PADI4: variants seen among roughly 807,000 people sequenced by gnomAD.
PADI4 encodes peptidyl arginine deiminase 4, also known as protein-arginine deiminase type-4.
PADI4 carries 62 observed loss-of-function variants against 75.0 expected under a neutral mutation model. That is an observed-to-expected ratio of 0.83 (90% CI 0.67 to 1.02). The LOEUF is 1.02. Ranked by LOEUF, PADI4 falls within the 50% of genes least tolerant of loss-of-function variation. The pLI, the probability that PADI4 is intolerant of heterozygous loss-of-function variation, is 0.00. For missense variants in PADI4, 845 were observed against 850.5 expected, an observed-to-expected ratio of 0.99 and a Z score of 0.08; for synonymous variants, 361 against 348.1, an observed-to-expected ratio of 1.04 and a Z score of -0.41.
intron 10 of PADI4, among the ~76,000 whole-genome samples, chr1:17,352,775 T>A (rs1162568494): frequency 6.6e-6 from 1 of 152,092 alleles, no homozygotes; most frequent in Non-Finnish European, 1.5e-5. Flanking sequence ...TGGGAGACAA[T>A]TGGTCAACAT....
At chr1:17,336,122 C>T (rs757296031) in intron 3 of PADI4, 37 bp from the exon 4 acceptor site, 11 of 1,510,506 alleles carry the variant, frequency 7.3e-6, no homozygotes, top group Non-Finnish European at 1.0e-5. Context: ...AACCCCGGAC[C>T]CTCACCAACC....
chr1:17,324,625 C>G (rs917115002), intron 1 of PADI4, among the ~76,000 whole-genome samples: 4 of 152,160 alleles, frequency 2.6e-5, no homozygotes, highest in Non-Finnish European at 5.9e-5. Context: ...AGCCACTGCA[C>G]CTGGCCTATT....
At chr1:17,316,774 A>AC (rs1208740789) in intron 1 of PADI4, among the ~76,000 whole-genome samples, 4 of 151,186 alleles carry the variant, frequency 2.6e-5, no homozygotes, top group African/African-American at 7.3e-5. Context: ...CCCAAAAACA[A>AC]CCCCCCCACC....
In PADI4 at chr1:17,333,196, C is replaced by G. The variant is rs139384903; in HGVS notation, c.274-747C>G. 2.3e-3 allele frequency among the ~76,000 whole-genome samples: 357 copies of G among 152,264 alleles called. 3 individuals carry two copies. The highest frequency in any genetic ancestry group is 8.2e-3 in the African/African-American group (342 of 41,564). ...GTGGGTGGGAGGCAGGGAGACCAGA[C>G]AGAAGGCTGACACCATGGTCCAGGC... On this transcript the variant is annotated intron_variant, in intron 2 of 15. Transcript: ENST00000375448.
chr1:17,339,784 T>C lies in PADI4; in HGVS notation c.623T>C (p.Met208Thr), dbSNP rs777298568. 1.9e-6 allele frequency: 3 copies of C among 1,612,088 alleles called. No homozygotes were observed. Among genetic ancestry groups the C allele is most frequent in the Non-Finnish European group, 2.5e-6 (3 of 1,179,066 alleles). Residue 208 changes from methionine (M) to threonine (T), a missense_variant, in exon 6 of 16, where the codon ATG becomes ACG. Transcript: ENST00000375448. ...GTGCTCCACGTGGCCAGGTCTGAGATGGACAAAGTGAGGGTGTTTCAGGCC... is the reference window on the plus strand; with the variant it reads ...GTGCTCCACGTGGCCAGGTCTGAGACGGACAAAGTGAGGGTGTTTCAGGCC... ...TLVLHVARSEMDKVRVFQATR... is the reference protein window; with the variant it reads ...TLVLHVARSETDKVRVFQATR...
Position 17,333,995 on chromosome 1 carries a change from A to G in PADI4, c.326A>G (p.Tyr109Cys), listed in dbSNP as rs144397490. Residue 109 changes from tyrosine to cysteine, a missense_variant, in exon 3 of 16, where the codon TAC (tyrosine) becomes TGC (cysteine). By Grantham distance (194) the Tyr-to-Cys change is radical. Coordinates refer to ENST00000375448, the MANE Select transcript of PADI4 (RefSeq NM_012387.3). ...PKTPPVKALL[Y>C]LTGVEISLCA... ...ACTCCACCAGTCAAAGCTCTACTCT[A>G]CCTCACCGGGGTGGGTAAGTGACAA... is the stretch of plus-strand genomic sequence containing the variant. 4.9e-4 allele frequency: 795 copies of G among 1,611,398 alleles called. 1 individual carries two copies. The highest frequency in any genetic ancestry group is 6.6e-4 in the Non-Finnish European group (776 of 1,177,780).
At chr1:17,341,374 C>G (rs1214296400) in intron 6 of PADI4, among the ~76,000 whole-genome samples, 1 of 152,202 alleles carries the variant, frequency 6.6e-6, no homozygotes, top group Non-Finnish European at 1.5e-5. Flanking sequence ...GCTGGGATTA[C>G]AGGCGTAAGC....
rs376651807 is a variant in PADI4, at chr1:17,359,390, A to G, written c.1740A>G (p.Glu580=). 2.7e-5 allele frequency: 44 copies of G among 1,614,026 alleles called. No individual in the cohort carries two copies. Among genetic ancestry groups the G allele is most frequent in the Admixed American group, 5.0e-5 (3 of 60,004 alleles). ...LFKLKEFSKA[E]AFFPNMVNML... ...AGCTCAAAGAGTTCTCTAAGGCGGA[A>G]GCTTTTTTCCCCAACATGGTGAGGA... Residue 580 remains glutamate (E), a synonymous_variant, in exon 15 of 16, where the codon GAA becomes GAG. Transcript: ENST00000375448.
chr1:17,359,274 C>A lies in PADI4; in HGVS notation c.1630-6C>A, dbSNP rs1217005765. The stretch of plus-strand genomic sequence containing the variant: ...CCCCACTCACTGCCCCTGCCCCTTC[C>A]CCAAGAGATGCATCGACTGGAACCG... On this transcript the variant is annotated splice_region_variant and splice_polypyrimidine_tract_variant and intron_variant, in intron 14 of 15. Coordinates refer to ENST00000375448, the MANE Select transcript of PADI4 (RefSeq NM_012387.3). 54 of 1,609,570 alleles carry A rather than the reference C, an allele frequency of 3.4e-5. No homozygotes were observed. Among genetic ancestry groups the A allele is most frequent in the Non-Finnish European group, 4.4e-5 (52 of 1,177,578 alleles).
At position 17,358,915 on chromosome 1, in the gene PADI4, G is replaced by T. The variant is rs2074806080; in HGVS notation, c.1629+7G>T. 1 of 1,586,128 alleles carries T rather than the reference G, an allele frequency of 6.3e-7. No individual in the cohort carries two copies. The highest frequency in any genetic ancestry group is 1.7e-5 in the Admixed American group (1 of 58,840). ...ACATAATTCATTTGTGGAGGTAGGAGCCTGGGTGCCTACACCCCAGCAGAC... is the reference window on the plus strand; with the variant it reads ...ACATAATTCATTTGTGGAGGTAGGATCCTGGGTGCCTACACCCCAGCAGAC... On this transcript the variant is annotated splice_region_variant and intron_variant, in intron 14 of 15. Transcript: ENST00000375448.
At chr1:17,334,081 T>C in intron 3 of PADI4, 72 bp downstream of exon 3, 1 of 973,502 alleles carries the variant, frequency 1.0e-6, no homozygotes, top group Non-Finnish European at 1.7e-6. Context: ...AGGATGTCTC[T>C]GTAGGAGAAA....
rs369844477 is a variant in PADI4, at chr1:17,346,183, C to T, written c.1047+44C>T. 2.0e-5 allele frequency: 26 copies of T among 1,321,828 alleles called. No individual in the cohort carries two copies. The African/African-American group carries it at 3.0e-4, about 15-fold the overall frequency. 81.9% of individuals were successfully genotyped at this position (1,321,828 alleles called of 1,614,324 possible). A position where few individuals can be genotyped will look rare whatever the true frequency, so the allele number is the denominator to read the frequency against. ...AGGCAGGGTGACTGTCCCTGAGGGCCAAGAGACACTTGGGGGACCCGGGCT... is the reference window on the plus strand; with the variant it reads ...AGGCAGGGTGACTGTCCCTGAGGGCTAAGAGACACTTGGGGGACCCGGGCT... On this transcript the variant is annotated intron_variant, in intron 9 of 15. Coordinates refer to ENST00000375448, the MANE Select transcript of PADI4 (RefSeq NM_012387.3). The surrounding 1 kb of genome is among the most constrained non-coding windows in gnomAD (Gnocchi z 4.3).
chr1:17,344,272 G>T (rs1436464585), intron 8 of PADI4, among the ~76,000 whole-genome samples: 5 of 152,178 alleles, frequency 3.3e-5, no homozygotes, highest in Non-Finnish European at 7.3e-5. Flanking sequence ...TTTCTAAGCA[G>T]CAAGGCATTC....
rs556140836 is a variant in PADI4, at chr1:17,323,862, A to C, written c.93-7107A>C. Among the ~76,000 whole-genome samples, 1,156 of 151,430 alleles carry C rather than the reference A, an allele frequency of 7.6e-3. 9 individuals carry two copies. Among genetic ancestry groups the C allele is most frequent in the African/African-American group, 0.024 (985 of 41,234 alleles). Reference sequence around the variant, plus strand: ...AGCAAACAAACAACAACAACAACAAAAAAAACACAAACAAACAAAAAACAC... The same window carrying C: ...AGCAAACAAACAACAACAACAACAACAAAAACACAAACAAACAAAAAACAC... On this transcript the variant is annotated intron_variant, in intron 1 of 15. Transcript: ENST00000375448.
intron 1 of PADI4, among the ~76,000 whole-genome samples, chr1:17,326,395 T>C (rs1029773334): frequency 6.6e-6 from 1 of 152,212 alleles, no homozygotes; most frequent in Non-Finnish European, 1.5e-5. Flanking sequence ...GTTTTGAAAA[T>C]AGTATTTTAG....
At chr1:17,332,863 C>T (rs1484060676) in intron 2 of PADI4, among the ~76,000 whole-genome samples, 1 of 152,036 alleles carries the variant, frequency 6.6e-6, no homozygotes, top group Non-Finnish European at 1.5e-5. Flanking sequence ...TGAAGGGTGA[C>T]ACGAACTACC....
chr1:17,326,628 T>C (rs1373594451), intron 1 of PADI4, among the ~76,000 whole-genome samples: 1 of 152,232 alleles, frequency 6.6e-6, no homozygotes, highest in Non-Finnish European at 1.5e-5. Context: ...ACTTGCTTTA[T>C]GGCCAATTAC....
At chr1:17,333,868 C>A in intron 2 of PADI4, 75 bp from the exon 3 acceptor site, 2 of 1,143,120 alleles carry the variant, frequency 1.7e-6, no homozygotes, top group Non-Finnish European at 2.7e-6. Context: ...TACCCTGAGC[C>A]GGCACATAGG....
chr1:17,312,368 G>A (rs952797114), intron 1 of PADI4, among the ~76,000 whole-genome samples: 3 of 150,082 alleles, frequency 2.0e-5, no homozygotes, highest in African/African-American at 7.4e-5. Flanking sequence ...GCTGAGGCAA[G>A]AGAATCACTT....
Sources: allele counts gnomAD v4.1 joint callset (sites outside exome capture counted in the v4.1 genomes callset), GRCh38; gene constraint gnomAD v4.1.1; non-coding constraint Gnocchi (gnomAD v3.1); transcripts MANE v1.5; gene names NCBI Gene and HGNC (gene_info 2026-07-23, HGNC 2026-07-21).